The following SH3BGRL2 variants were observed in gnomAD, a reference collection of about 807,000 sequenced individuals.
SH3BGRL2 encodes SH3 domain-binding glutamic acid-rich-like protein 2.
Under a neutral mutation model 14.8 loss-of-function variants are expected in SH3BGRL2, and 21 were observed. The ratio of observed to expected loss-of-function variants is 1.42; its 90% confidence interval spans 1.01 to 2.05. SH3BGRL2 has a LOEUF of 2.05. Among genes scored for constraint, SH3BGRL2 ranks in the 30% most tolerant of loss-of-function variants. SH3BGRL2 has a pLI of 0.00. For synonymous variants in SH3BGRL2, 50 were observed against 47.8 expected (o/e 1.05, Z -0.19); for missense variants, 147 against 130.8 (o/e 1.12, Z -0.61).
At chr6:79,591,133 G>A in the SH3BGRL2 span, among the ~76,000 whole-genome samples, 1 of 152,098 alleles carries the variant, frequency 6.6e-6, no homozygotes. Flanking sequence ...TATATTTTTA[G>A]TCTCAGATGT....
chr6:79,686,861 G>A (rs1368887052), intron 2 of SH3BGRL2, among the ~76,000 whole-genome samples: 2 of 152,110 alleles, frequency 1.3e-5, no homozygotes, highest in Non-Finnish European at 2.9e-5. Context: ...GAAGCAGACT[G>A]GAACTCCTCA....
the SH3BGRL2 span, among the ~76,000 whole-genome samples, chr6:79,542,030 G>A: frequency 6.6e-6 from 1 of 152,058 alleles, no homozygotes; most frequent in East Asian, 1.9e-4. Context: ...CCTAGAGAGT[G>A]TCTCATACTT....
chr6:79,669,649 T>C (rs1414412896), intron 1 of SH3BGRL2, among the ~76,000 whole-genome samples: 1 of 152,066 alleles, frequency 6.6e-6, no homozygotes, highest in Non-Finnish European at 1.5e-5. Flanking sequence ...TTCACCATGT[T>C]GATCAGGCTG....
chr6:79,538,031 T>TTTG, the SH3BGRL2 span, among the ~76,000 whole-genome samples: 1 of 108,904 alleles, frequency 9.2e-6, no homozygotes, highest in Non-Finnish European at 2.0e-5. Context: ...TTTTTTTTTT[T>TTTG]TTTTTTTTTT....
At chr6:79,655,553 G>T (rs1235390191) in intron 1 of SH3BGRL2, among the ~76,000 whole-genome samples, 1 of 152,010 alleles carries the variant, frequency 6.6e-6, no homozygotes, top group Non-Finnish European at 1.5e-5. Context: ...ACCCCACAGA[G>T]AAATCTCACA....
At position 79,638,657 on chromosome 6, in the gene SH3BGRL2, A is replaced by T. The variant is rs550483271; in HGVS notation, c.45+7151A>T. Among the ~76,000 whole-genome samples the T allele has an allele frequency of 3.9e-5, 6 of 152,194 alleles. No individual in the cohort carries two copies. The East Asian group carries it at 1.2e-3, about 29-fold the overall frequency. On this transcript the variant is annotated intron_variant, in intron 1 of 3. Transcript: ENST00000369838. ...AATAGTCTAACTGGGGTGAGATGCA[A>T]TTTCATTATCATTTTGATTTGCATT...
chr6:79,601,814 A>G, the SH3BGRL2 span, among the ~76,000 whole-genome samples: 357 of 152,304 alleles, frequency 2.3e-3, 3 homozygotes, highest in African/African-American at 8.1e-3. Flanking sequence ...CATTTTTACT[A>G]TGAAGGTTAT....
At chr6:79,612,206 C>G in the SH3BGRL2 span, among the ~76,000 whole-genome samples, 1 of 152,032 alleles carries the variant, frequency 6.6e-6, no homozygotes, top group East Asian at 1.9e-4. Context: ...GAAGCTGAGG[C>G]AGGAGAATCA....
the SH3BGRL2 span, among the ~76,000 whole-genome samples, chr6:79,561,847 G>T: frequency 1.3e-5 from 2 of 152,292 alleles, no homozygotes; most frequent in African/African-American, 4.8e-5. Flanking sequence ...TCTAGACAAT[G>T]TAAACTAAAA....
intron 2 of SH3BGRL2, among the ~76,000 whole-genome samples, chr6:79,687,326 T>C (rs960553821): frequency 6.6e-6 from 1 of 152,056 alleles, no homozygotes; most frequent in East Asian, 1.9e-4. Context: ...TTATGGCTGG[T>C]TCCTGTTCCT....
At chr6:79,635,169 T>C (rs1310992643) in intron 1 of SH3BGRL2, among the ~76,000 whole-genome samples, 1 of 152,230 alleles carries the variant, frequency 6.6e-6, no homozygotes, top group Non-Finnish European at 1.5e-5. Context: ...TTTACCTTCC[T>C]ACTTGCCTTG....
chr6:79,620,598 G>A, the SH3BGRL2 span, among the ~76,000 whole-genome samples: 1 of 151,690 alleles, frequency 6.6e-6, no homozygotes, highest in African/African-American at 2.4e-5. Flanking sequence ...GTGAAGTAAT[G>A]ATAATTTCCC....
At chr6:79,589,475 T>C in the SH3BGRL2 span, among the ~76,000 whole-genome samples, 1 of 152,170 alleles carries the variant, frequency 6.6e-6, no homozygotes, top group Non-Finnish European at 1.5e-5. Context: ...TCAATCATTC[T>C]ATAGTACCAA....
intron 2 of SH3BGRL2, among the ~76,000 whole-genome samples, chr6:79,686,479 T>C (rs140160756): frequency 1.3e-5 from 2 of 152,292 alleles, no homozygotes; most frequent in African/African-American, 4.8e-5. Flanking sequence ...TTCGTAACTT[T>C]TATCTTCTAG....
intron 1 of SH3BGRL2, among the ~76,000 whole-genome samples, chr6:79,669,588 G>A (rs1769731586): frequency 6.6e-6 from 1 of 151,606 alleles, no homozygotes; most frequent in Admixed American, 6.6e-5. Context: ...AGGATTACAG[G>A]CATGCACCAC....
At chr6:79,655,674 TG>T (rs1444318312) in intron 1 of SH3BGRL2, among the ~76,000 whole-genome samples, 2 of 152,212 alleles carry the variant, frequency 1.3e-5, no homozygotes, top group African/African-American at 4.8e-5. Context: ...CTCATACAAA[TG>T]GAATTATATG....
the SH3BGRL2 span, among the ~76,000 whole-genome samples, chr6:79,572,437 AT>A: frequency 1.3e-5 from 2 of 151,440 alleles, no homozygotes; most frequent in African/African-American, 4.9e-5. Flanking sequence ...ATAAAATGGC[AT>A]CTATTTTTAT....
the SH3BGRL2 span, among the ~76,000 whole-genome samples, chr6:79,569,600 G>A: frequency 7.2e-5 from 11 of 152,148 alleles, no homozygotes; most frequent in Non-Finnish European, 1.5e-4. Flanking sequence ...AATTCCAAAG[G>A]CGGAAGGGTA....
At chr6:79,647,055 TA>T (rs1482082661) in intron 1 of SH3BGRL2, among the ~76,000 whole-genome samples, 3 of 152,214 alleles carry the variant, frequency 2.0e-5, no homozygotes, top group African/African-American at 4.8e-5. Context: ...GGCATATACC[TA>T]GGGGTGGAAT....
Sources: gnomAD v4.1 joint callset for allele counts (sites outside exome capture counted in the v4.1 genomes callset) on GRCh38, gnomAD v4.1.1 for gene constraint, MANE v1.5 for transcripts, NCBI Gene and HGNC (gene_info 2026-07-23, HGNC 2026-07-21) for gene names.